Variants in FGFR4 observed in about 807,000 individuals in gnomAD.
The protein encoded by FGFR4 is hydroxyaryl-protein kinase.
In FGFR4, 63 loss-of-function variants were observed where a neutral mutation model predicts 89.9. The ratio of observed to expected loss-of-function variants is 0.70; its 90% CI spans 0.57 to 0.86. The LOEUF is 0.86. Among genes scored for constraint, FGFR4 ranks in the 40% least tolerant of loss-of-function variants. The pLI, the probability that FGFR4 is intolerant of heterozygous loss-of-function variation, is 0.00. For synonymous variants in FGFR4, 486 were observed against 479.4 expected (o/e 1.01, Z -0.18); for missense variants, 928 against 1,106.7 (o/e 0.84, Z 2.29).
intron 6 of FGFR4, 72 bp from the exon 7 acceptor site, chr5:177,092,238 ACTTGAGGAAGG>A (rs1784389862): frequency 7.2e-6 from 10 of 1,391,768 alleles, no homozygotes; most frequent in Middle Eastern, 2.6e-4. Flanking sequence ...CCTCCCTTGA[ACTTGAGGAAGG>A]CTGGAGGGAG....
chr5:177,093,380 G>A lies in FGFR4; in HGVS notation c.1252-26G>A, dbSNP rs1309982043. ...ACATGTGACAGCCTGACTCCAGCAG[G>A]CAGAACCAAGTCTCCCACTTTGCAG... is the stretch of plus-strand genomic sequence containing the variant. On this transcript the variant is annotated intron_variant, in intron 9 of 17. Transcript: ENST00000292408. The surrounding 1 kb of genome is among the most constrained non-coding windows in gnomAD (Gnocchi z 5.8). 1 of 1,614,088 alleles carries A rather than the reference G, an allele frequency of 6.2e-7. No homozygotes were observed. Among genetic ancestry groups the A allele is most frequent in the East Asian group, 2.2e-5 (1 of 44,878 alleles).
Position 177,087,768 on chromosome 5 carries a change from G to A in FGFR4, c.-54+691G>A. 1 of 415,140 alleles carries A rather than the reference G, an allele frequency of 2.4e-6. No homozygotes were observed. Among genetic ancestry groups the A allele is most frequent in the Non-Finnish European group, 3.2e-6 (1 of 308,956 alleles). 25.7% of individuals were successfully genotyped at this position (415,140 alleles called of 1,614,324 possible). ...GGATCCGACTGGATTCGAGAGTTGA[G>A]GTGGGCCAGAGACAGCAGTATCTGA... is the stretch of plus-strand genomic sequence containing the variant. On this transcript the variant is annotated intron_variant, in intron 1 of 17. Coordinates refer to ENST00000292408, the MANE Select transcript of FGFR4 (RefSeq NM_213647.3). This position sits in a 1 kb window ranked among gnomAD's most constrained non-coding sequence, Gnocchi z 6.1.
At position 177,090,948 on chromosome 5, in the gene FGFR4, G is replaced by GAC. The variant is rs1385629267; in HGVS notation, c.452_453dup (p.Pro152ThrfsTer60). ...TCCCCTGCCCTCCAGCACCCTACTGGACACACCCCCAGCGCATGGAGAAGA... is the reference window on the plus strand; with the variant it reads ...TCCCCTGCCCTCCAGCACCCTACTGGACACACACCCCCAGCGCATGGAGAAGA... On this transcript the variant is annotated frameshift_variant, in exon 5 of 18. Transcript: ENST00000292408. LOFTEE classifies it high-confidence loss of function. 1 of 1,613,990 alleles carries GAC rather than the reference G, an allele frequency of 6.2e-7. No homozygotes were observed. Among genetic ancestry groups the GAC allele is most frequent in the Non-Finnish European group, 8.5e-7 (1 of 1,179,984 alleles).
chr5:177,095,798 G>T lies in FGFR4; in HGVS notation c.1821+75G>T. 7.1e-7 allele frequency: 1 copy of T among 1,410,916 alleles called. No individual in the cohort carries two copies. The highest frequency in any genetic ancestry group is 1.5e-5 in the South Asian group (1 of 68,524). The allele number at this position is 1,410,916 out of a possible 1,614,324, so 87.4% of individuals were successfully genotyped here. Reference sequence around the variant, plus strand: ...TCAGGCCTGTGGCATTCAATGTCCCGACTTCTCCCTCTCTGCTCTTTTTCA... The same window carrying T: ...TCAGGCCTGTGGCATTCAATGTCCCTACTTCTCCCTCTCTGCTCTTTTTCA... On this transcript the variant is annotated intron_variant, in intron 13 of 17. Transcript: ENST00000292408. The surrounding 1 kb of genome is among the most constrained non-coding windows in gnomAD (Gnocchi z 5.7).
Position 177,092,081 on chromosome 5 carries a change from C to T in FGFR4, c.728-240C>T, listed in dbSNP as rs3135924. On this transcript the variant is annotated intron_variant, in intron 6 of 17. Coordinates refer to ENST00000292408, the MANE Select transcript of FGFR4 (RefSeq NM_213647.3). The stretch of plus-strand genomic sequence containing the variant: ...CCCTGCACTTGCAGGCCAGCATATT[C>T]GTAGGGCGTGGCGTTTATATGGGGA... 2.4e-3 allele frequency among the ~76,000 whole-genome samples: 373 copies of T among 152,304 alleles called. 4 individuals are homozygous for T. In the Middle Eastern group the frequency reaches 0.048, roughly 20 times the overall value.
Position 177,095,527 on chromosome 5 carries a change from C to G in FGFR4, c.1631-6C>G. 6.2e-7 allele frequency: 1 copy of G among 1,611,852 alleles called. No homozygotes were observed. The highest frequency in any genetic ancestry group is 8.5e-7 in the Non-Finnish European group (1 of 1,178,856). On this transcript the variant is annotated splice_polypyrimidine_tract_variant and splice_region_variant and intron_variant, in intron 12 of 17. Transcript: ENST00000292408. This position sits in a 1 kb window ranked among gnomAD's most constrained non-coding sequence, Gnocchi z 5.7. ...CCTCTCCACGCTCCCTCCACTCCCTCTGCAGGGCCCCTGTACGTGATCGTG... is the reference window on the plus strand; with the variant it reads ...CCTCTCCACGCTCCCTCCACTCCCTGTGCAGGGCCCCTGTACGTGATCGTG...
intron 6 of FGFR4, 145 bp from the exon 7 acceptor site, chr5:177,092,176 G>A: frequency 1.2e-6 from 1 of 826,030 alleles, no homozygotes; most frequent in Non-Finnish European, 1.8e-6. Flanking sequence ...AGGGAGCCAG[G>A]GAAGGTTTAA....
chr5:177,093,459 C>A lies in FGFR4; in HGVS notation c.1305C>A (p.Gly435=). 8 of 1,614,062 alleles carry A rather than the reference C, an allele frequency of 5.0e-6. No homozygotes were observed. Among genetic ancestry groups the A allele is most frequent in the Non-Finnish European group, 5.1e-6 (6 of 1,180,010 alleles). Residue 435 remains glycine (G), a synonymous_variant, in exon 10 of 18, where the codon GGC becomes GGA. Transcript: ENST00000292408. This position sits in a 1 kb window ranked among gnomAD's most constrained non-coding sequence, Gnocchi z 5.8. Reference sequence around the variant, plus strand: ...AGTCAAGCTCATCCCTGGTACGAGGCGTGCGTCTCTCCTCCAGCGGCCCCG... The same window carrying A: ...AGTCAAGCTCATCCCTGGTACGAGGAGTGCGTCTCTCCTCCAGCGGCCCCG... ...SGKSSSSLVR[G]VRLSSSGPAL...
chr5:177,091,689 G>T lies in FGFR4; in HGVS notation c.608G>T (p.Arg203Leu), dbSNP rs770565518. 1 of 1,614,146 alleles carries T rather than the reference G, an allele frequency of 6.2e-7. No individual in the cohort carries two copies. The highest frequency in any genetic ancestry group is 1.1e-5 in the South Asian group (1 of 91,072). The part of the protein sequence containing the change: ...GENRIGGIRL[R>L]HQHWSLVMES... ...GGACACTCTCTCTGCCTGCAGCTGCGCCATCAGCACTGGAGTCTCGTGATG... is the reference window on the plus strand; with the variant it reads ...GGACACTCTCTCTGCCTGCAGCTGCTCCATCAGCACTGGAGTCTCGTGATG... The change falls in exon 6 of 18, where the codon CGC becomes CTC. Residue 203 changes from arginine (R) to leucine (L), a missense_variant. Arg to Leu is a moderately radical substitution (Grantham distance 102). Transcript: ENST00000292408.
chr5:177,096,733 C>G lies in FGFR4; in HGVS notation c.2145C>G (p.Pro715=), dbSNP rs2149739374. 6.3e-7 allele frequency: 1 copy of G among 1,579,096 alleles called. No homozygotes were observed. Among genetic ancestry groups the G allele is most frequent in the Non-Finnish European group, 8.6e-7 (1 of 1,162,102 alleles). ...GHRMDRPPHC[P]PELYGLMREC... is the part of the protein sequence containing the mutation. ...GGATGGACCGACCCCCACACTGCCC[C>G]CCAGAGCTGTGAGGCCTCACCCTGC... Residue 715 remains proline, a synonymous_variant, in exon 16 of 18, where the codon CCC becomes CCG. Transcript: ENST00000292408.
In FGFR4 at chr5:177,089,530, CT is replaced by C. The variant is rs918308510; in HGVS notation, c.-53-16del. 3.9e-6 allele frequency: 6 copies of C among 1,541,282 alleles called. No individual in the cohort carries two copies. In the African/African-American group the frequency reaches 5.5e-5, roughly 14 times the overall value. On this transcript the variant is annotated intron_variant, in intron 1 of 17. Coordinates refer to ENST00000292408, the MANE Select transcript of FGFR4 (RefSeq NM_213647.3). ...CAAAGGTGCACGTGTAGCAGGAGCT[CT>C]TTTCCCTCCCTATTTTAGGAAGGCA...
At chr5:177,096,526 A>G (rs1433929455) in intron 15 of FGFR4, 78 bp from the exon 16 acceptor site, 16 of 1,572,124 alleles carry the variant, frequency 1.0e-5, no homozygotes, top group African/African-American at 2.7e-5. Flanking sequence ...GTGGTGGGTC[A>G]TGTCTGTGGG....
intron 14 of FGFR4, 38 bp downstream of exon 14, chr5:177,096,217 G>A (rs1162909158): frequency 4.3e-6 from 7 of 1,613,234 alleles, no homozygotes; most frequent in South Asian, 1.1e-5. Flanking sequence ...GGGGTGGAGG[G>A]GCACTGGGCC....
intron 2 of FGFR4, 193 bp from the exon 3 acceptor site, chr5:177,090,197 T>C: frequency 1.3e-6 from 1 of 746,948 alleles, no homozygotes; most frequent in Non-Finnish European, 2.3e-6. Flanking sequence ...GTGTGTGACA[T>C]GCCCCAAGAG....
chr5:177,096,765 C>T (rs1784583349), intron 16 of FGFR4, 24 bp downstream of exon 16: 1 of 1,557,108 alleles, frequency 6.4e-7, no homozygotes, highest in Non-Finnish European at 8.7e-7. Context: ...CTGCCCTCGA[C>T]CCCACTTTCC....
intron 2 of FGFR4, chr5:177,090,100 GT>G: frequency 1.8e-6 from 1 of 566,962 alleles, no homozygotes; most frequent in Non-Finnish European, 3.3e-6. Flanking sequence ...CATGTGCCTT[GT>G]GTGTGTGTGT....
In FGFR4 at chr5:177,093,933, T is replaced by C. The variant is rs1582015153; in HGVS notation, c.1519+158T>C. On this transcript the variant is annotated intron_variant, in intron 11 of 17. Coordinates refer to ENST00000292408, the MANE Select transcript of FGFR4 (RefSeq NM_213647.3). The surrounding 1 kb of genome is among the most constrained non-coding windows in gnomAD (Gnocchi z 5.8). Reference sequence around the variant, plus strand: ...AAAAAATAAGAAAATTAGTTGGGTGTGGTGGTGTGTGCCTTTAGTCTCAGT... The same window carrying C: ...AAAAAATAAGAAAATTAGTTGGGTGCGGTGGTGTGTGCCTTTAGTCTCAGT... Among the ~76,000 whole-genome samples, 1 of 151,114 alleles carries C rather than the reference T, an allele frequency of 6.6e-6. No homozygotes were observed. The highest frequency in any genetic ancestry group is 1.5e-5 in the Non-Finnish European group (1 of 67,840).
intron 8 of FGFR4, 127 bp downstream of exon 8, chr5:177,092,911 T>C: frequency 5.4e-6 from 8 of 1,485,180 alleles, no homozygotes; most frequent in African/African-American, 1.4e-5. Flanking sequence ...GTGTGTGGAT[T>C]TGTGGGTTTG....
At chr5:177,097,271 C>T (rs1305173715) in intron 16 of FGFR4, 21 bp from the exon 17 acceptor site, 1 of 1,568,654 alleles carries the variant, frequency 6.4e-7, no homozygotes, top group Admixed American at 1.8e-5. Flanking sequence ...TCCCTGTGAC[C>T]CTCCGCCCCA....
Sources: gnomAD v4.1 joint callset for allele counts (sites outside exome capture counted in the v4.1 genomes callset) on GRCh38, gnomAD v4.1.1 for gene constraint, Gnocchi (gnomAD v3.1) non-coding constraint, MANE v1.5 for transcripts, NCBI Gene and HGNC (gene_info 2026-07-23, HGNC 2026-07-21) for gene names.